CFAP58: variants seen among roughly 807,000 people sequenced by gnomAD.
The protein encoded by CFAP58 is cilia- and flagella-associated protein 58.
CFAP58 carries 88 observed loss-of-function variants against 119.5 expected under a neutral mutation model. The ratio of observed to expected loss-of-function variants is 0.74; its 90% confidence interval spans 0.62 to 0.88. The LOEUF (loss-of-function observed/expected upper bound fraction) is 0.88, where lower values mean the gene tolerates loss of function less well. CFAP58 is among the 40% of genes least tolerant of loss of function. The pLI is 0.00. For synonymous variants in CFAP58, 365 were observed against 366.3 expected (o/e 1.00, Z 0.04); for missense variants, 990 against 1,021.2 (o/e 0.97, Z 0.42).
intron 1 of CFAP58, among the ~76,000 whole-genome samples, chr10:104,357,835 GTACACATATGTACACATATA>G (rs1460811391): frequency 0.26 from 32,695 of 123,566 alleles, 5,962 homozygotes; most frequent in African/African-American, 0.41. Context: ...ACACATATAT[GTACACATATGTACACATATA>G]TACACATATA....
chr10:104,380,695 A>C (rs2011773673), intron 9 of CFAP58, among the ~76,000 whole-genome samples: 1 of 152,220 alleles, frequency 6.6e-6, no homozygotes, highest in African/African-American at 2.4e-5. Context: ...TAGGTGTGTC[A>C]ATATTCAAAG....
At chr10:104,342,962 C>T in the CFAP58 span, among the ~76,000 whole-genome samples, 10 of 151,412 alleles carry the variant, frequency 6.6e-5, no homozygotes, top group Non-Finnish European at 4.4e-5. Flanking sequence ...ATTAAATACA[C>T]AGGGACAGAT....
the CFAP58 span, among the ~76,000 whole-genome samples, chr10:104,345,870 T>G: frequency 2.0e-5 from 3 of 152,176 alleles, no homozygotes; most frequent in Admixed American, 2.0e-4. Context: ...ATAAAAGCAT[T>G]GGCCCATCAT....
At chr10:104,385,896 A>C (rs532227099) in intron 9 of CFAP58, among the ~76,000 whole-genome samples, 1 of 152,316 alleles carries the variant, frequency 6.6e-6, no homozygotes, top group East Asian at 1.9e-4. Context: ...TACAATAATG[A>C]AGAAAAATTC....
intron 11 of CFAP58, among the ~76,000 whole-genome samples, chr10:104,396,131 T>C (rs901643974): frequency 6.6e-6 from 1 of 152,232 alleles, no homozygotes; most frequent in Non-Finnish European, 1.5e-5. Context: ...TCATCAGCAC[T>C]GAAGGAACCA....
At chr10:104,378,768 T>G (rs1432860783) in intron 8 of CFAP58, among the ~76,000 whole-genome samples, 1 of 152,204 alleles carries the variant, frequency 6.6e-6, no homozygotes, top group African/African-American at 2.4e-5. Flanking sequence ...GGTCATTTGA[T>G]CCATTCAGTT....
intron 15 of CFAP58, among the ~76,000 whole-genome samples, chr10:104,431,556 A>T (rs1174982612): frequency 6.6e-6 from 1 of 152,180 alleles, no homozygotes; most frequent in Non-Finnish European, 1.5e-5. Flanking sequence ...GTATAATAGA[A>T]CACAACCAGT....
At chr10:104,357,888 T>C (rs182186698) in intron 1 of CFAP58, among the ~76,000 whole-genome samples, 1,510 of 127,406 alleles carry the variant, frequency 0.012, 77 homozygotes, top group African/African-American at 0.018. Flanking sequence ...TACACATATA[T>C]AAACATATAT....
Position 104,373,724 on chromosome 10 carries a change from A to C in CFAP58, c.1090+2670A>C, listed in dbSNP as rs577825408. On this transcript the variant is annotated intron_variant, in intron 7 of 17. Transcript: ENST00000369704. ...GTTCCTCCAGAAGAATAAACATATGAAAATAGAAATGAAATAGAATAGAAA... is the reference window on the plus strand; with the variant it reads ...GTTCCTCCAGAAGAATAAACATATGCAAATAGAAATGAAATAGAATAGAAA... 2.4e-4 allele frequency among the ~76,000 whole-genome samples: 36 copies of C among 152,338 alleles called. 1 individual carries two copies. Among genetic ancestry groups the C allele is most frequent in the African/African-American group, 7.9e-4 (33 of 41,568 alleles).
intron 9 of CFAP58, among the ~76,000 whole-genome samples, chr10:104,388,237 C>T (rs937132837): frequency 5.9e-5 from 9 of 152,262 alleles, no homozygotes; most frequent in African/African-American, 2.2e-4. Context: ...ATCAAATTAA[C>T]TTTTTAAAGT....
intron 2 of CFAP58, among the ~76,000 whole-genome samples, chr10:104,360,936 T>C (rs2014658464): frequency 6.6e-6 from 1 of 152,186 alleles, no homozygotes; most frequent in Non-Finnish European, 1.5e-5. Context: ...GTGATGAACA[T>C]ATGCATGCAT....
At chr10:104,404,610 T>G (rs1047367654) in intron 14 of CFAP58, among the ~76,000 whole-genome samples, 3 of 151,726 alleles carry the variant, frequency 2.0e-5, no homozygotes. Flanking sequence ...TTTTTGTTTT[T>G]GTTTTTCTTT....
In CFAP58 at chr10:104,362,015, C is replaced by A. The variant is rs2014673035; in HGVS notation, c.292-8C>A. 1.7e-5 allele frequency: 27 copies of A among 1,612,144 alleles called. No individual in the cohort carries two copies. Among genetic ancestry groups the A allele is most frequent in the Non-Finnish European group, 2.2e-5 (26 of 1,179,202 alleles). ...GTCTTTCTCACTGATATCCTATGGC[C>A]CATCTAGGAAATTGAAAAGGCCTGG... is the stretch of plus-strand genomic sequence containing the variant. On this transcript the variant is annotated splice_polypyrimidine_tract_variant and splice_region_variant and intron_variant, in intron 2 of 17. Transcript: ENST00000369704.
rs1341228540 is a variant in CFAP58, at chr10:104,450,061, G to C, written c.2377-10G>C. 4 of 1,586,036 alleles carry C rather than the reference G, an allele frequency of 2.5e-6. No homozygotes were observed. Among genetic ancestry groups the C allele is most frequent in the Non-Finnish European group, 3.4e-6 (4 of 1,171,112 alleles). Reference sequence around the variant, plus strand: ...ATCTTTTGTTAATGCTGCTTTATTTGCCATGTTAGGTTTTGTCTTCAGAAT... The same window carrying C: ...ATCTTTTGTTAATGCTGCTTTATTTCCCATGTTAGGTTTTGTCTTCAGAAT... On this transcript the variant is annotated splice_polypyrimidine_tract_variant and intron_variant, in intron 16 of 17. Transcript: ENST00000369704.
intron 14 of CFAP58, among the ~76,000 whole-genome samples, chr10:104,405,213 T>C (rs1028810352): frequency 6.6e-6 from 1 of 152,258 alleles, no homozygotes; most frequent in African/African-American, 2.4e-5. Context: ...CAGTTGGCAC[T>C]GCTTAGTATT....
the CFAP58 span, among the ~76,000 whole-genome samples, chr10:104,342,841 T>C: frequency 1.6e-5 from 1 of 60,626 alleles, no homozygotes; most frequent in Non-Finnish European, 3.6e-5. Flanking sequence ...TGAGACCCTG[T>C]ATCAAAAAAA....
intron 15 of CFAP58, among the ~76,000 whole-genome samples, chr10:104,433,425 G>A (rs78402466): frequency 0.027 from 4,119 of 152,296 alleles, 127 homozygotes; most frequent in African/African-American, 0.074. Flanking sequence ...TACTTTGATC[G>A]TCAGGGTCTT....
chr10:104,357,906 TATACACACATATATGTACAC>T (rs1564875865), intron 1 of CFAP58, among the ~76,000 whole-genome samples: 5 of 122,038 alleles, frequency 4.1e-5, no homozygotes, highest in African/African-American at 1.2e-4. Flanking sequence ...TATGTACACA[TATACACACATATATGTACAC>T]ATATACACAC....
the CFAP58 span, among the ~76,000 whole-genome samples, chr10:104,343,153 A>G: frequency 6.6e-6 from 1 of 152,356 alleles, no homozygotes; most frequent in East Asian, 1.9e-4. Context: ...TCACAAGATA[A>G]TAGCAAGTTA....
Sources: gnomAD v4.1 joint callset for allele counts (sites outside exome capture counted in the v4.1 genomes callset) on GRCh38, gnomAD v4.1.1 for gene constraint, MANE v1.5 for transcripts, NCBI Gene and HGNC (gene_info 2026-07-23, HGNC 2026-07-21) for gene names.